PTPRD: variants seen among roughly 807,000 people sequenced by gnomAD.
PTPRD encodes the protein receptor-type tyrosine-protein phosphatase delta.
A neutral mutation model predicts 214.5 loss-of-function variants in PTPRD; 34 were observed. That is an observed-to-expected ratio of 0.16 (90% CI 0.12 to 0.21). The LOEUF (loss-of-function observed/expected upper bound fraction) is 0.21, where lower values mean the gene tolerates loss of function less well. Ranked by LOEUF, PTPRD falls within the 10% of genes least tolerant of loss-of-function variation. The pLI, the probability that PTPRD is intolerant of heterozygous loss-of-function variation, is 1.00. For synonymous variants in PTPRD, 1,128 were observed against 845.7 expected, an observed-to-expected ratio of 1.33 and a Z score of -5.79; for missense variants, 2,545 against 2,398.7, an observed-to-expected ratio of 1.06 and a Z score of -1.27.
Position 9,199,809 on chromosome 9 carries a change from C to CAT in PTPRD, c.-202-16448_-202-16447dup, listed in dbSNP as rs34908691. 7.9e-5 allele frequency among the ~76,000 whole-genome samples: 12 copies of CAT among 151,190 alleles called. No homozygotes were observed. The South Asian group carries it at 1.3e-3, about 16-fold the overall frequency. On this transcript the variant is annotated intron_variant, in intron 9 of 45. Transcript: ENST00000381196. ...TAATTTATATATAAATTATAAACAT[C>CAT]ATATATATATATAGCTGAAATCTTA...
At chr9:9,550,114 A>C (rs1443742292) in intron 8 of PTPRD, among the ~76,000 whole-genome samples, 1 of 151,946 alleles carries the variant, frequency 6.6e-6, no homozygotes, top group Non-Finnish European at 1.5e-5. Context: ...CCATAACATG[A>C]ATGGAATTCA....
intron 3 of PTPRD, among the ~76,000 whole-genome samples, chr9:10,216,485 A>G (rs1330921332): frequency 6.6e-6 from 1 of 152,016 alleles, no homozygotes; most frequent in African/African-American, 2.4e-5. Context: ...GTTAACTTAT[A>G]TGCTCTAAAT....
intron 39 of PTPRD, among the ~76,000 whole-genome samples, chr9:8,342,399 C>G (rs529557446): frequency 6.6e-6 from 1 of 152,050 alleles, no homozygotes; most frequent in Non-Finnish European, 1.5e-5. Context: ...CTGTTTTCGT[C>G]CCATGTACAA....
intron 11 of PTPRD, among the ~76,000 whole-genome samples, chr9:8,955,317 C>A (rs76762644): frequency 0.023 from 3,510 of 151,916 alleles, 54 homozygotes; most frequent in Middle Eastern, 0.048. Context: ...GTCTTCTTAA[C>A]AGGAGATCTT....
At chr9:9,861,232 G>A (rs2062692041) in intron 5 of PTPRD, among the ~76,000 whole-genome samples, 1 of 152,106 alleles carries the variant, frequency 6.6e-6, no homozygotes, top group African/African-American at 2.4e-5. Flanking sequence ...ACTGCAGTGA[G>A]ACTCACATGG....
At chr9:8,460,264 G>C in intron 33 of PTPRD, 147 bp downstream of exon 33, 1 of 956,410 alleles carries the variant, frequency 1.0e-6, no homozygotes, top group Non-Finnish European at 1.7e-6. Context: ...TGATCTTACT[G>C]TAATGTAAAC....
At chr9:8,827,744 T>C (rs77459472) in intron 11 of PTPRD, among the ~76,000 whole-genome samples, 2 of 152,208 alleles carry the variant, frequency 1.3e-5, no homozygotes, top group Non-Finnish European at 2.9e-5. Context: ...TCATGTCTCA[T>C]CACTCAAAGA....
intron 10 of PTPRD, among the ~76,000 whole-genome samples, chr9:9,131,717 T>A (rs1331835911): frequency 6.6e-6 from 1 of 152,220 alleles, no homozygotes; most frequent in East Asian, 1.9e-4. Context: ...AAAATCTCAA[T>A]TGTAAATATC....
chr9:10,162,607 G>A (rs971588109), intron 3 of PTPRD, among the ~76,000 whole-genome samples: 3 of 148,898 alleles, frequency 2.0e-5, no homozygotes, highest in Non-Finnish European at 3.0e-5. Context: ...AGTTTTATAC[G>A]TACGTATATA....
chr9:9,140,174 A>T (rs1462059681), intron 10 of PTPRD, among the ~76,000 whole-genome samples: 1 of 150,476 alleles, frequency 6.6e-6, no homozygotes, highest in East Asian at 2.0e-4. Flanking sequence ...TTGGGTCACT[A>T]TGTAAATCCA....
intron 2 of PTPRD, among the ~76,000 whole-genome samples, chr9:10,575,090 C>A (rs1252265989): frequency 1.3e-5 from 2 of 151,794 alleles, no homozygotes. Flanking sequence ...TGACCAACAT[C>A]CTTTAGATTA....
chr9:9,299,079 A>C (rs1352722322), intron 9 of PTPRD, among the ~76,000 whole-genome samples: 1 of 151,792 alleles, frequency 6.6e-6, no homozygotes, highest in Non-Finnish European at 1.5e-5. Context: ...CTATTGGCAG[A>C]TGAAGATTAT....
rs552928838 is a variant in PTPRD at position 8,814,454 on chromosome 9, C to A, written c.-103-80508G>T. Among the ~76,000 whole-genome samples, 15 of 152,180 alleles carry A rather than the reference C, an allele frequency of 9.9e-5. No individual in the cohort carries two copies. In the East Asian group the frequency reaches 2.7e-3, roughly 27 times the overall value. On this transcript the variant is annotated intron_variant, in intron 11 of 45. Transcript: ENST00000381196. ...TCAGGAAACCAGGGGCGGCTGCAAA[C>A]CTGAAGCTGAGACCAATAGGAAGAC...
intron 2 of PTPRD, among the ~76,000 whole-genome samples, chr9:10,482,117 A>C (rs565557122): frequency 6.6e-6 from 1 of 152,108 alleles, no homozygotes; most frequent in African/African-American, 2.4e-5. Context: ...CACGCCTGTA[A>C]TCCCAGCATT....
At chr9:10,508,678 A>G (rs951653874) in intron 2 of PTPRD, among the ~76,000 whole-genome samples, 4 of 152,198 alleles carry the variant, frequency 2.6e-5, no homozygotes, top group Non-Finnish European at 4.4e-5. Context: ...CATCATTCTC[A>G]GCAAACTATC....
intron 5 of PTPRD, among the ~76,000 whole-genome samples, chr9:9,811,872 T>C (rs2047253571): frequency 6.6e-6 from 1 of 152,148 alleles, no homozygotes; most frequent in Non-Finnish European, 1.5e-5. Flanking sequence ...GAAGTCCTAT[T>C]GTGGATAAAA....
At chr9:8,353,788 T>C (rs1200598665) in intron 39 of PTPRD, among the ~76,000 whole-genome samples, 1 of 144,270 alleles carries the variant, frequency 6.9e-6, no homozygotes, top group Non-Finnish European at 1.5e-5. Flanking sequence ...CGTATACATA[T>C]ACAAATTTGA....
intron 5 of PTPRD, among the ~76,000 whole-genome samples, chr9:9,782,259 A>G (rs866193339): frequency 6.6e-6 from 1 of 152,156 alleles, no homozygotes; most frequent in Non-Finnish European, 1.5e-5. Flanking sequence ...TGGATGTCAT[A>G]AGATATACTG....
chr9:9,229,849 T>G (rs1333334480), intron 9 of PTPRD, among the ~76,000 whole-genome samples: 1 of 152,144 alleles, frequency 6.6e-6, no homozygotes, highest in Non-Finnish European at 1.5e-5. Context: ...TACTTCATAT[T>G]TGGTTAGGAA....
Sources: gnomAD v4.1 joint callset for allele counts (sites outside exome capture counted in the v4.1 genomes callset) on GRCh38, gnomAD v4.1.1 for gene constraint, MANE v1.5 for transcripts, NCBI Gene and HGNC (gene_info 2026-07-23, HGNC 2026-07-21) for gene names.